UBQLN4: variants seen among roughly 807,000 people sequenced by gnomAD.
UBQLN4 encodes the protein ubiquilin-4.
UBQLN4 carries 11 observed loss-of-function variants against 60.4 expected under a neutral mutation model. The observed-to-expected ratio is 0.18, with a 90% CI of 0.11 to 0.30. The LOEUF (loss-of-function observed/expected upper bound fraction) is 0.30, where lower values mean the gene tolerates loss of function less well. Ranked by LOEUF, UBQLN4 falls within the 10% of genes least tolerant of loss-of-function variation. The pLI is 1.00. For synonymous variants in UBQLN4, 258 were observed against 313.1 expected, an observed-to-expected ratio of 0.82 and a Z score of 1.86; for missense variants, 417 against 795.5, an observed-to-expected ratio of 0.52 and a Z score of 5.72.
chr1:156,051,016 G>C, intron 3 of UBQLN4, 94 bp downstream of exon 3: 1 of 1,264,696 alleles, frequency 7.9e-7, no homozygotes, highest in East Asian at 2.5e-5. Context: ...ATCCCCATCA[G>C]ACCAGGAGCA....
At position 156,053,740 on chromosome 1, in the gene UBQLN4, C is replaced by T; in HGVS notation, c.-39G>A. ...CCCGGCCGCCCGCCAGCCCGCCCGG[C>T]TCCTCCTCCTCCCCGCCCGCCCGGC... On this transcript the variant is annotated 5_prime_UTR_variant, in exon 1 of 11. Coordinates refer to ENST00000368309, the MANE Select transcript of UBQLN4 (RefSeq NM_020131.5). The T allele has an allele frequency of 6.7e-6, 8 of 1,189,566 alleles. No homozygotes were observed. Among genetic ancestry groups the T allele is most frequent in the Non-Finnish European group, 8.5e-6 (8 of 939,096 alleles). The allele number at this position is 1,189,566 out of a possible 1,614,324, so 73.7% of individuals were successfully genotyped here. A position where few individuals can be genotyped will look rare whatever the true frequency, so the allele number is the denominator to read the frequency against.
intron 6 of UBQLN4, 108 bp downstream of exon 6, chr1:156,043,890 G>C: frequency 8.0e-7 from 1 of 1,250,874 alleles, no homozygotes; most frequent in Non-Finnish European, 1.1e-6. Flanking sequence ...GGCCTCGATA[G>C]TCTCACCTCT....
At chr1:156,047,336 C>T (rs1307012681) in intron 5 of UBQLN4, among the ~76,000 whole-genome samples, 5 of 151,226 alleles carry the variant, frequency 3.3e-5, no homozygotes, top group Non-Finnish European at 5.9e-5. Context: ...CTCTGCCTCC[C>T]GGGTTCAAGC....
downstream of UBQLN4, among the ~76,000 whole-genome samples, chr1:156,034,492 T>C (rs1283230407): frequency 6.6e-6 from 1 of 151,214 alleles, no homozygotes. Flanking sequence ...GAGACAGGGT[T>C]TCACCATCTT....
At chr1:156,042,460 G>A (rs1385054689) in intron 7 of UBQLN4, 1 of 1,387,198 alleles carries the variant, frequency 7.2e-7, no homozygotes, top group Non-Finnish European at 9.3e-7. Flanking sequence ...CCCTGGGTCT[G>A]ATGATGATGA....
At chr1:156,053,414 C>T (rs1683935870) in intron 1 of UBQLN4, among the ~76,000 whole-genome samples, 180 bp downstream of exon 1, 1 of 152,024 alleles carries the variant, frequency 6.6e-6, no homozygotes, top group Admixed American at 6.5e-5. Flanking sequence ...CACGCTCCCC[C>T]AGATCTCCCC....
rs763100650 is a variant in UBQLN4, at chr1:156,051,103, G to A, written c.478+7C>T. 6.2e-7 allele frequency: 1 copy of A among 1,612,622 alleles called. No homozygotes were observed. Reference sequence around the variant, plus strand: ...ACAAGATTGTGCTCTCCTCTCTGAGGGCTTACAGAGTATGGACGCAGTAGC... The same window carrying A: ...ACAAGATTGTGCTCTCCTCTCTGAGAGCTTACAGAGTATGGACGCAGTAGC... On this transcript the variant is annotated splice_region_variant and intron_variant, in intron 3 of 10. Coordinates refer to ENST00000368309, the MANE Select transcript of UBQLN4 (RefSeq NM_020131.5).
chr1:156,037,577 C>T (rs1683441503), intron 10 of UBQLN4, among the ~76,000 whole-genome samples: 1 of 152,162 alleles, frequency 6.6e-6, no homozygotes, highest in Non-Finnish European at 1.5e-5. Flanking sequence ...GCCTGGGCAA[C>T]AGAGCGAGAC....
chr1:156,047,096 A>G (rs1366203336), intron 5 of UBQLN4, among the ~76,000 whole-genome samples: 1 of 152,164 alleles, frequency 6.6e-6, no homozygotes, highest in Non-Finnish European at 1.5e-5. Flanking sequence ...TAAACAAGAT[A>G]CTAACAACAT....
In UBQLN4 at chr1:156,036,539, G is replaced by C. The variant is rs11548488; in HGVS notation, c.*439C>G. 42 of 987,550 alleles carry C rather than the reference G, an allele frequency of 4.3e-5. No homozygotes were observed. The highest frequency in any genetic ancestry group is 4.7e-5 in the Non-Finnish European group (39 of 831,310). The allele number at this position is 987,550 out of a possible 1,614,324, so 61.2% of individuals were successfully genotyped here. On this transcript the variant is annotated 3_prime_UTR_variant, in exon 11 of 11. Coordinates refer to ENST00000368309, the MANE Select transcript of UBQLN4 (RefSeq NM_020131.5). ...TAGCATTGGTTGGGCTAGGGGTTGG[G>C]GGGTAGGGAGAAAAAGAAGGAAGAG... is the stretch of plus-strand genomic sequence containing the variant.
chr1:156,048,766 GC>G lies in UBQLN4; in HGVS notation c.742-108del. 1 of 1,260,374 alleles carries G rather than the reference GC, an allele frequency of 7.9e-7. No individual in the cohort carries two copies. Among genetic ancestry groups the G allele is most frequent in the Non-Finnish European group, 1.1e-6 (1 of 911,300 alleles). 78.1% of individuals were successfully genotyped at this position (1,260,374 alleles called of 1,614,324 possible). Reference sequence around the variant, plus strand: ...GGTCTGTATCAGGATCAGGACCAGGGCCCAGGAACTGCCCCACAGTGACAGG... The same window carrying G: ...GGTCTGTATCAGGATCAGGACCAGGGCCAGGAACTGCCCCACAGTGACAGG... On this transcript the variant is annotated intron_variant, in intron 4 of 10. Coordinates refer to ENST00000368309, the MANE Select transcript of UBQLN4 (RefSeq NM_020131.5). The surrounding 1 kb of genome is among the most constrained non-coding windows in gnomAD (Gnocchi z 4.9).
At chr1:156,053,057 A>G (rs1199962175) in intron 1 of UBQLN4, among the ~76,000 whole-genome samples, 2 of 152,196 alleles carry the variant, frequency 1.3e-5, no homozygotes, top group Admixed American at 1.3e-4. Context: ...TCATTCAACA[A>G]GATTTTATTG....
At chr1:156,052,390 G>C (rs1258753656) in intron 1 of UBQLN4, among the ~76,000 whole-genome samples, 1 of 152,194 alleles carries the variant, frequency 6.6e-6, no homozygotes, top group African/African-American at 2.4e-5. Context: ...GCAGAGGTGC[G>C]ATCTTGGCTC....
chr1:156,050,275 G>A lies in UBQLN4; in HGVS notation c.741+16C>T, dbSNP rs771607951. ...GGCACCAGTGTCCTCCAGCTCTCCA[G>A]CCCTCTCATACTCACCTGCCTCATG... On this transcript the variant is annotated intron_variant, in intron 4 of 10. Transcript: ENST00000368309. The surrounding 1 kb of genome is among the most constrained non-coding windows in gnomAD (Gnocchi z 4.6). 2.6e-6 allele frequency: 4 copies of A among 1,546,342 alleles called. No individual in the cohort carries two copies. Among genetic ancestry groups the A allele is most frequent in the Non-Finnish European group, 3.5e-6 (4 of 1,141,002 alleles).
At chr1:156,039,907 A>G (rs1683504594) in intron 10 of UBQLN4, among the ~76,000 whole-genome samples, 1 of 128,456 alleles carries the variant, frequency 7.8e-6, no homozygotes, top group Non-Finnish European at 1.6e-5. Context: ...ACTGCACTCC[A>G]GCCTGGGCGA....
At chr1:156,051,599 G>T (rs933758758) in intron 2 of UBQLN4, 107 bp downstream of exon 2, 10 of 1,489,256 alleles carry the variant, frequency 6.7e-6, no homozygotes, top group Non-Finnish European at 9.2e-6. Flanking sequence ...GGAGCTACCT[G>T]CCTGGGCCTC....
chr1:156,044,834 C>T (rs892662122), intron 5 of UBQLN4, among the ~76,000 whole-genome samples: 1 of 152,116 alleles, frequency 6.6e-6, no homozygotes, highest in African/African-American at 2.4e-5. Flanking sequence ...GCAGAACACA[C>T]CTCCAGCAGA....
At chr1:156,033,183 T>G, downstream of UBQLN4, 1 of 984,752 alleles carries the variant, frequency 1.0e-6, no homozygotes, top group Non-Finnish European at 1.2e-6. Flanking sequence ...GGCATCCGAC[T>G]CTGGAGCAAG....
At chr1:156,031,489 C>T (rs1170874985), downstream of UBQLN4, among the ~76,000 whole-genome samples, 1 of 152,134 alleles carries the variant, frequency 6.6e-6, no homozygotes, top group African/African-American at 2.4e-5. Flanking sequence ...GAACCACCTC[C>T]CAGTTAGCCA....
Sources: gnomAD v4.1 joint callset for allele counts (sites outside exome capture counted in the v4.1 genomes callset) on GRCh38, gnomAD v4.1.1 for gene constraint, Gnocchi (gnomAD v3.1) non-coding constraint, MANE v1.5 for transcripts, NCBI Gene and HGNC (gene_info 2026-07-23, HGNC 2026-07-21) for gene names.